The following STK38L variants were observed in gnomAD, a reference collection of about 807,000 sequenced individuals.
STK38L encodes serine/threonine kinase 38 like.
In STK38L, 28 loss-of-function variants were observed where a neutral mutation model predicts 59.7. The ratio of observed to expected loss-of-function variants is 0.47; its 90% CI spans 0.35 to 0.64. The LOEUF (loss-of-function observed/expected upper bound fraction) is 0.64. STK38L is among the 30% of genes least tolerant of loss of function. The probability of loss-of-function intolerance (pLI) is 0.01; values close to 1 mark genes in which losing one functional copy is unlikely to be tolerated. For synonymous variants in STK38L, 162 were observed against 176.8 expected (o/e 0.92, Z 0.66); for missense variants, 314 against 555.8 (o/e 0.56, Z 4.37).
chr12:27,297,846 A>G lies in STK38L; in HGVS notation c.126A>G (p.Arg42=). 3 of 1,614,126 alleles carry G rather than the reference A, an allele frequency of 1.9e-6. No individual in the cohort carries two copies. The highest frequency in any genetic ancestry group is 2.5e-6 in the Non-Finnish European group (3 of 1,180,004). Residue 42 remains arginine, a synonymous_variant, in exon 2 of 14, where the codon AGA becomes AGG. Transcript: ENST00000389032. ...YSNLILQHEE[R]ETRQKKLEVA... is the part of the protein sequence containing the mutation. ...ACCTAATTTTACAGCATGAAGAGAG[A>G]GAAACCAGGTATAGTAAGGGCTAAT...
chr12:27,262,326 T>G, intron 1 of STK38L, among the ~76,000 whole-genome samples: 1 of 152,318 alleles, frequency 6.6e-6, no homozygotes, highest in South Asian at 2.1e-4. Context: ...AAATAGAAAT[T>G]TTATTGAAAA....
chr12:27,269,401 T>C, intron 1 of STK38L, among the ~76,000 whole-genome samples: 1 of 152,218 alleles, frequency 6.6e-6, no homozygotes, highest in Non-Finnish European at 1.5e-5. Context: ...TTCTTGTTTT[T>C]GTCAGGTTTG....
At chr12:27,290,030 T>C (rs945082099) in intron 1 of STK38L, among the ~76,000 whole-genome samples, 3 of 152,148 alleles carry the variant, frequency 2.0e-5, no homozygotes, top group African/African-American at 7.2e-5. Flanking sequence ...AGCAGGAAGA[T>C]TGAGCAGGGA....
At chr12:27,288,344 G>C (rs1268628244) in intron 1 of STK38L, among the ~76,000 whole-genome samples, 3 of 151,736 alleles carry the variant, frequency 2.0e-5, no homozygotes, top group East Asian at 3.9e-4. Context: ...AAAATCTTTC[G>C]TCTTACTTTT....
chr12:27,272,533 G>A (rs569685698), intron 1 of STK38L, among the ~76,000 whole-genome samples: 17 of 152,274 alleles, frequency 1.1e-4, no homozygotes, highest in Middle Eastern at 3.4e-3. Context: ...CTGCATTCAA[G>A]GCATCACACA....
At chr12:27,272,377 A>G (rs1943441837) in intron 1 of STK38L, among the ~76,000 whole-genome samples, 1 of 152,202 alleles carries the variant, frequency 6.6e-6, no homozygotes, top group Non-Finnish European at 1.5e-5. Context: ...TAGGGTGTGT[A>G]TATTAGTGCA....
intron 10 of STK38L, 76 bp from the exon 11 acceptor site, chr12:27,317,820 G>C: frequency 6.4e-7 from 1 of 1,567,526 alleles, no homozygotes; most frequent in Non-Finnish European, 8.6e-7. Flanking sequence ...TTGGTTTCTT[G>C]TCGCACATGT....
intron 1 of STK38L, among the ~76,000 whole-genome samples, chr12:27,279,605 A>T (rs2136624745): frequency 2.0e-5 from 3 of 152,028 alleles, no homozygotes; most frequent in Admixed American, 2.0e-4. Context: ...GGGCACCTGT[A>T]ATCCCAACTA....
At chr12:27,290,954 C>T (rs1943883385) in intron 1 of STK38L, among the ~76,000 whole-genome samples, 1 of 152,198 alleles carries the variant, frequency 6.6e-6, no homozygotes, top group Non-Finnish European at 1.5e-5. Context: ...TATTAAGCCT[C>T]CTGAGCAGAT....
intron 2 of STK38L, among the ~76,000 whole-genome samples, chr12:27,301,610 AT>A (rs1258180243): frequency 6.6e-6 from 1 of 152,204 alleles, no homozygotes; most frequent in Non-Finnish European, 1.5e-5. Flanking sequence ...TTTTCAAATA[AT>A]TTTAATACAA....
intron 11 of STK38L, 113 bp from the exon 12 acceptor site, chr12:27,319,215 A>T: frequency 1.5e-6 from 1 of 657,738 alleles, no homozygotes; most frequent in South Asian, 2.3e-5. Flanking sequence ...CATAGTTAAC[A>T]TCAATAAAAG....
At chr12:27,297,657 A>G in intron 1 of STK38L, 53 bp from the exon 2 acceptor site, 1 of 1,542,802 alleles carries the variant, frequency 6.5e-7, no homozygotes, top group Admixed American at 2.1e-5. Flanking sequence ...TTTATTATAA[A>G]AGATAGGGGT....
intron 2 of STK38L, among the ~76,000 whole-genome samples, chr12:27,299,578 C>T (rs1357430302): frequency 2.6e-5 from 4 of 152,044 alleles, no homozygotes; most frequent in Admixed American, 2.6e-4. Flanking sequence ...ATATCTTACA[C>T]ATTAAAAAAT....
intron 1 of STK38L, among the ~76,000 whole-genome samples, chr12:27,267,119 A>G (rs1943316897): frequency 1.3e-5 from 2 of 152,200 alleles, no homozygotes; most frequent in African/African-American, 4.8e-5. Context: ...TCTGAAATCT[A>G]TACATTGTTT....
chr12:27,257,465 C>A (rs1444488874), intron 1 of STK38L, among the ~76,000 whole-genome samples: 1 of 152,194 alleles, frequency 6.6e-6, no homozygotes, highest in South Asian at 2.1e-4. Context: ...AAGGTTTCAG[C>A]TTTCTTAATT....
intron 11 of STK38L, among the ~76,000 whole-genome samples, chr12:27,319,072 A>G (rs931412315): frequency 2.0e-5 from 3 of 152,240 alleles, no homozygotes; most frequent in Admixed American, 1.3e-4. Flanking sequence ...GAAAAAAAGC[A>G]GACCTAACAT....
chr12:27,248,287 G>T (rs1942900349), intron 1 of STK38L, among the ~76,000 whole-genome samples: 1 of 152,204 alleles, frequency 6.6e-6, no homozygotes, highest in Non-Finnish European at 1.5e-5. Context: ...ATGTAAAAAT[G>T]AGAGAAGTTC....
At chr12:27,287,904 A>G (rs565585561) in intron 1 of STK38L, among the ~76,000 whole-genome samples, 2 of 152,248 alleles carry the variant, frequency 1.3e-5, no homozygotes, top group African/African-American at 4.8e-5. Flanking sequence ...TTTGTTTGAG[A>G]CAGAGTCTCG....
intron 2 of STK38L, chr12:27,300,488 AGTT>A (rs2136640150): frequency 2.2e-6 from 1 of 454,336 alleles, no homozygotes; most frequent in South Asian, 1.6e-5. Flanking sequence ...AGAAGAATAA[AGTT>A]GTTTATATGT....
Sources: allele counts gnomAD v4.1 joint callset (sites outside exome capture counted in the v4.1 genomes callset), GRCh38; gene constraint gnomAD v4.1.1; transcripts MANE v1.5; gene names NCBI Gene and HGNC (gene_info 2026-07-23, HGNC 2026-07-21).